The following LIMCH1 variants were observed in gnomAD, a reference collection of about 807,000 sequenced individuals.
LIMCH1 encodes LIM and calponin homology domains 1, also known as LIM and calponin homology domains-containing protein 1.
LIMCH1 carries 113 observed loss-of-function variants against 176.5 expected under a neutral mutation model. That is an observed-to-expected ratio of 0.64 (90% confidence interval 0.55 to 0.75). The LOEUF (loss-of-function observed/expected upper bound fraction) is 0.75. Among genes scored for constraint, LIMCH1 ranks in the 30% least tolerant of loss-of-function variants. The probability of loss-of-function intolerance (pLI) is 0.00; values close to 1 mark genes in which losing one functional copy is unlikely to be tolerated. For missense variants in LIMCH1, 1,674 were observed against 1,814.9 expected (o/e 0.92, Z 1.41); for synonymous variants, 619 against 645.9 (o/e 0.96, Z 0.63).
At chr4:41,559,839 T>C (rs2081825136) in intron 1 of LIMCH1, among the ~76,000 whole-genome samples, 1 of 152,192 alleles carries the variant, frequency 6.6e-6, no homozygotes, top group African/African-American at 2.4e-5. Flanking sequence ...GGTTCTGTCT[T>C]TGATTCTTGT....
At chr4:41,615,094 C>A (rs968832976) in intron 5 of LIMCH1, among the ~76,000 whole-genome samples, 3 of 152,094 alleles carry the variant, frequency 2.0e-5, no homozygotes, top group African/African-American at 7.2e-5. Context: ...TTTAAGTGCC[C>A]CCCACACTAT....
chr4:41,690,045 T>C (rs1389351596), intron 30 of LIMCH1, among the ~76,000 whole-genome samples: 1 of 152,208 alleles, frequency 6.6e-6, no homozygotes, highest in African/African-American at 2.4e-5. Context: ...TGGAAAATTG[T>C]CTGTCAATTA....
In LIMCH1 at chr4:41,600,194, A is replaced by G. The variant is rs142117427; in HGVS notation, c.-134+1168A>G. On this transcript the variant is annotated intron_variant, in intron 2 of 31. Coordinates refer to ENST00000503057, the MANE Select transcript of LIMCH1 (RefSeq NM_001330672.2). The stretch of plus-strand genomic sequence containing the variant: ...TAAAACTTCTCTTGGAAAAATTTTA[A>G]CTAAGCGAAAAAATAACAGAATAAA... 9.6e-4 allele frequency among the ~76,000 whole-genome samples: 146 copies of G among 152,312 alleles called. No homozygotes were observed. In the East Asian group the frequency reaches 0.026, roughly 27 times the overall value.
At chr4:41,646,352 C>A in intron 16 of LIMCH1, 72 bp downstream of exon 16, 1 of 1,516,524 alleles carries the variant, frequency 6.6e-7, no homozygotes, top group Non-Finnish European at 8.9e-7. Context: ...AAATTATTGG[C>A]TGTCACAAAG....
intron 1 of LIMCH1, among the ~76,000 whole-genome samples, chr4:41,414,489 C>T (rs2059754571): frequency 6.6e-6 from 1 of 152,210 alleles, no homozygotes; most frequent in East Asian, 1.9e-4. Flanking sequence ...TGTTTAGACA[C>T]GCTAGACTAA....
chr4:41,469,948 G>T (rs986457626), intron 1 of LIMCH1, among the ~76,000 whole-genome samples: 3 of 152,166 alleles, frequency 2.0e-5, no homozygotes, highest in Non-Finnish European at 2.9e-5. Context: ...CCAAGGTGCT[G>T]GGATTACAGG....
chr4:41,609,080 G>A (rs1458692667), intron 4 of LIMCH1, among the ~76,000 whole-genome samples: 1 of 152,050 alleles, frequency 6.6e-6, no homozygotes, highest in Non-Finnish European at 1.5e-5. Context: ...TGTGATCAGG[G>A]GCAAGTGATA....
chr4:41,546,420 T>C (rs537484066), intron 1 of LIMCH1, among the ~76,000 whole-genome samples: 1 of 152,094 alleles, frequency 6.6e-6, no homozygotes, highest in Admixed American at 6.5e-5. Flanking sequence ...ATTATAGGCA[T>C]GAGCCACCAT....
At chr4:41,486,566 A>T (rs764696430) in intron 1 of LIMCH1, among the ~76,000 whole-genome samples, 7 of 152,154 alleles carry the variant, frequency 4.6e-5, no homozygotes, top group Non-Finnish European at 8.8e-5. Context: ...TGAGAGGGGT[A>T]GTTGAGACAG....
At chr4:41,665,207 C>A (rs1252762464) in intron 20 of LIMCH1, among the ~76,000 whole-genome samples, 1 of 152,150 alleles carries the variant, frequency 6.6e-6, no homozygotes, top group African/African-American at 2.4e-5. Flanking sequence ...AGCAAAGCAC[C>A]CATGCTTACA....
chr4:41,453,981 C>A (rs2064209231), intron 1 of LIMCH1, among the ~76,000 whole-genome samples: 1 of 152,162 alleles, frequency 6.6e-6, no homozygotes, highest in Non-Finnish European at 1.5e-5. Flanking sequence ...AACACTCTTA[C>A]TCTGGTCAAC....
At chr4:41,675,086 T>C (rs957041004) in intron 22 of LIMCH1, among the ~76,000 whole-genome samples, 3 of 152,166 alleles carry the variant, frequency 2.0e-5, no homozygotes, top group African/African-American at 7.2e-5. Flanking sequence ...GCCATCCCAA[T>C]CAATTGCAGG....
chr4:41,597,591 G>C (rs971783215), intron 1 of LIMCH1, among the ~76,000 whole-genome samples: 1 of 152,160 alleles, frequency 6.6e-6, no homozygotes, highest in Non-Finnish European at 1.5e-5. Flanking sequence ...AGTGTGGGCT[G>C]AGGTCCTATC....
At chr4:41,613,022 G>A (rs2091632082) in intron 4 of LIMCH1, 6 of 1,551,976 alleles carry the variant, frequency 3.9e-6, no homozygotes, top group Non-Finnish European at 5.2e-6. Context: ...ATAAACAGGA[G>A]CAAAAGTTGC....
intron 10 of LIMCH1, among the ~76,000 whole-genome samples, chr4:41,632,545 A>G (rs1336142676): frequency 1.3e-5 from 2 of 152,202 alleles, no homozygotes; most frequent in African/African-American, 4.8e-5. Context: ...AGAGTCACAC[A>G]GCCTTGTTTG....
chr4:41,689,828 C>T, intron 30 of LIMCH1, 193 bp downstream of exon 30: 1 of 459,804 alleles, frequency 2.2e-6, no homozygotes, highest in Non-Finnish European at 4.0e-6. Context: ...TTAGAAGAAG[C>T]AGAAAGGTTT....
At chr4:41,457,637 C>G (rs1001024878) in intron 1 of LIMCH1, among the ~76,000 whole-genome samples, 2 of 152,104 alleles carry the variant, frequency 1.3e-5, no homozygotes, top group African/African-American at 2.4e-5. Context: ...TGAGTTAGAA[C>G]GTAGGCAGTG....
At chr4:41,683,752 C>T (rs1718227934) in intron 26 of LIMCH1, among the ~76,000 whole-genome samples, 1 of 152,188 alleles carries the variant, frequency 6.6e-6, no homozygotes, top group South Asian at 2.1e-4. Context: ...CCTTGGATGA[C>T]TTTCCAGTTT....
At chr4:41,577,045 T>G (rs975724569) in intron 1 of LIMCH1, among the ~76,000 whole-genome samples, 3 of 151,918 alleles carry the variant, frequency 2.0e-5, no homozygotes, top group African/African-American at 7.3e-5. Context: ...GGCCGACTTT[T>G]CCTATAGGTG....
Sources: gnomAD v4.1 joint callset for allele counts (sites outside exome capture counted in the v4.1 genomes callset) on GRCh38, gnomAD v4.1.1 for gene constraint, MANE v1.5 for transcripts, NCBI Gene and HGNC (gene_info 2026-07-23, HGNC 2026-07-21) for gene names.